CFAP184: variants seen among roughly 807,000 people sequenced by gnomAD.
The protein encoded by CFAP184 is cilia- and flagella-associated protein 184.
At chr4:7,040,887 A>G in the CFAP184 span, 1 of 173,256 alleles carries the variant, frequency 5.8e-6, no homozygotes, top group Non-Finnish European at 1.2e-5. Context: ...AGCTTAATGC[A>G]CAGGGTTTTT....
chr4:7,042,019 T>C, the CFAP184 span: 3 of 1,612,214 alleles, frequency 1.9e-6, no homozygotes, highest in African/African-American at 4.0e-5. Flanking sequence ...GCCCAGCTCC[T>C]GGTGGTACCA....
At chr4:7,042,908 G>C in the CFAP184 span, 9 of 1,544,882 alleles carry the variant, frequency 5.8e-6, no homozygotes, top group Non-Finnish European at 7.8e-6. Context: ...TCCCCGCCGG[G>C]GTCCTTAGTG....
At chr4:7,042,659 G>A in the CFAP184 span, 1 of 1,502,110 alleles carries the variant, frequency 6.7e-7, no homozygotes, top group East Asian at 2.5e-5. Context: ...GGCTCGGGCT[G>A]GGGCTCGGCC....
chr4:7,042,946 C>A, the CFAP184 span: 1 of 1,418,336 alleles, frequency 7.1e-7, no homozygotes, highest in Non-Finnish European at 9.2e-7. Context: ...CATCTCCTCC[C>A]GGCTCGGCCA....
At chr4:7,042,584 C>A in the CFAP184 span, 1 of 1,546,222 alleles carries the variant, frequency 6.5e-7, no homozygotes, top group Non-Finnish European at 8.7e-7. Context: ...GCCTCTAGTT[C>A]CTCGGGCCCG....
chr4:7,042,922 T>C, the CFAP184 span: 1 of 1,504,564 alleles, frequency 6.6e-7, no homozygotes, highest in African/African-American at 1.4e-5. Context: ...CTTAGTGTGC[T>C]CAGAGCTGAC....
the CFAP184 span, chr4:7,040,914 C>T: frequency 5.2e-6 from 1 of 193,046 alleles, no homozygotes; most frequent in East Asian, 1.3e-4. Flanking sequence ...CTTGCCCATT[C>T]GCTGAACTTT....
chr4:7,041,466 G>A, the CFAP184 span: 2 of 1,614,216 alleles, frequency 1.2e-6, no homozygotes, highest in Non-Finnish European at 1.7e-6. Flanking sequence ...GTCTGATGTT[G>A]TCCGTCCGCA....
chr4:7,041,612 T>C, the CFAP184 span: 3 of 1,614,268 alleles, frequency 1.9e-6, no homozygotes, highest in Non-Finnish European at 2.5e-6. Flanking sequence ...ACGTGGGTTA[T>C]TACTTGCACA....
At chr4:7,042,734 C>A in the CFAP184 span, 2 of 1,521,344 alleles carry the variant, frequency 1.3e-6, no homozygotes, top group East Asian at 5.0e-5. Flanking sequence ...CCTTTCGGGG[C>A]CTCGGCCTGC....
chr4:7,041,405 C>T, the CFAP184 span: 1 of 1,614,258 alleles, frequency 6.2e-7, no homozygotes, highest in African/African-American at 1.3e-5. Context: ...ACCTTTTCTT[C>T]CAAGTCCCGA....
chr4:7,042,706 G>A, the CFAP184 span: 1 of 1,512,160 alleles, frequency 6.6e-7, no homozygotes, highest in Non-Finnish European at 8.8e-7. Flanking sequence ...CTCGCCCGCA[G>A]CCTCGGCTGC....
At chr4:7,042,486 C>G in the CFAP184 span, 1 of 1,610,244 alleles carries the variant, frequency 6.2e-7, no homozygotes, top group African/African-American at 1.3e-5. Flanking sequence ...CAGCCTCTTC[C>G]TCATCGATCC....
the CFAP184 span, chr4:7,041,953 C>G: frequency 6.2e-7 from 1 of 1,612,640 alleles, no homozygotes; most frequent in Non-Finnish European, 8.5e-7. Flanking sequence ...TGCCTGGAAG[C>G]GTCGCCACTC....
chr4:7,041,989 T>C, the CFAP184 span: 1 of 1,612,506 alleles, frequency 6.2e-7, no homozygotes. Context: ...GAGCTTCTCC[T>C]GGCACTGCCG....
At chr4:7,042,779 GCTC>G in the CFAP184 span, 2,319 of 1,500,032 alleles carry the variant, frequency 1.5e-3, no homozygotes, top group Admixed American at 4.4e-3. Flanking sequence ...GAAGCCGCTT[GCTC>G]CTCCTCCTCC....
chr4:7,042,562 G>A, the CFAP184 span: 8 of 1,565,378 alleles, frequency 5.1e-6, no homozygotes, highest in Non-Finnish European at 6.9e-6. Context: ...CAGTTCCTCC[G>A]CCCCCGCCTC....
chr4:7,041,081 A>G, the CFAP184 span: 3 of 777,658 alleles, frequency 3.9e-6, no homozygotes, highest in Non-Finnish European at 3.7e-6. Flanking sequence ...TTTTTGCTCA[A>G]TCCCAGATAA....
the CFAP184 span, chr4:7,042,917 T>C: frequency 1.3e-6 from 2 of 1,537,852 alleles, no homozygotes; most frequent in South Asian, 2.4e-5. Flanking sequence ...GGGTCCTTAG[T>C]GTGCTCAGAG....
Sources: allele counts gnomAD v4.1 joint callset, GRCh38; gene constraint gnomAD v4.1.1; transcripts MANE v1.5; gene names NCBI Gene and HGNC (gene_info 2026-07-23, HGNC 2026-07-21).